The following OXCT1 variants were observed in gnomAD, a reference collection of about 807,000 sequenced individuals.
OXCT1 encodes the protein 3-oxoacid CoA-transferase 1, also known as succinyl-CoA:3-ketoacid coenzyme A transferase 1, mitochondrial.
OXCT1 carries 27 observed loss-of-function variants against 69.6 expected under a neutral mutation model. That is an observed-to-expected ratio of 0.39 (90% CI 0.29 to 0.54). The LOEUF is 0.54. OXCT1 is among the 20% of genes least tolerant of loss of function. The probability of loss-of-function intolerance (pLI) is 0.72; values close to 1 mark genes in which losing one functional copy is unlikely to be tolerated. For missense variants in OXCT1, 437 were observed against 650.2 expected, an observed-to-expected ratio of 0.67 and a Z score of 3.57; for synonymous variants, 202 against 217.8, an observed-to-expected ratio of 0.93 and a Z score of 0.64.
intron 7 of OXCT1, among the ~76,000 whole-genome samples, chr5:41,835,539 C>T (rs1166060595): frequency 1.3e-5 from 2 of 152,224 alleles, no homozygotes; most frequent in Non-Finnish European, 2.9e-5. Context: ...ATAAACCACA[C>T]AGGCTACAAT....
In OXCT1 at chr5:41,850,014, T is replaced by C; in HGVS notation, c.564+16A>G. ...AAGAGGGATCCTGGTATAATCTGGT[T>C]AAGAGTGTTTCTTACCTCTCTTGGC... On this transcript the variant is annotated intron_variant, in intron 5 of 16. Transcript: ENST00000196371. 3 of 1,612,994 alleles carry C rather than the reference T, an allele frequency of 1.9e-6. No individual in the cohort carries two copies. The highest frequency in any genetic ancestry group is 2.5e-6 in the Non-Finnish European group (3 of 1,179,018).
intron 11 of OXCT1, among the ~76,000 whole-genome samples, chr5:41,796,898 T>C (rs10075064): frequency 0.38 from 57,355 of 152,066 alleles, 13,117 homozygotes; most frequent in African/African-American, 0.64. Flanking sequence ...ATAAAAGAGA[T>C]AATGCCATTG....
intron 7 of OXCT1, among the ~76,000 whole-genome samples, chr5:41,819,662 CT>C (rs750306605): frequency 0.012 from 1,615 of 138,956 alleles, 11 homozygotes; most frequent in African/African-American, 0.023. Flanking sequence ...GAGCCACCTT[CT>C]TTTTTTTTTT....
At chr5:41,826,255 T>C (rs996667139) in intron 7 of OXCT1, among the ~76,000 whole-genome samples, 2 of 152,210 alleles carry the variant, frequency 1.3e-5, no homozygotes, top group African/African-American at 4.8e-5. Flanking sequence ...AGTTTTTTGA[T>C]CATGCACTAA....
intron 13 of OXCT1, among the ~76,000 whole-genome samples, chr5:41,777,614 T>G (rs1250533340): frequency 6.6e-6 from 1 of 152,188 alleles, no homozygotes; most frequent in East Asian, 1.9e-4. Flanking sequence ...TCCTAATCTG[T>G]TGGATGGTGT....
chr5:41,864,924 C>T (rs1229854684), intron 1 of OXCT1, among the ~76,000 whole-genome samples: 1 of 152,156 alleles, frequency 6.6e-6, no homozygotes, highest in African/African-American at 2.4e-5. Flanking sequence ...TTAAAGAGTT[C>T]ATCCACAGCT....
At chr5:41,759,048 G>T (rs914431460) in intron 14 of OXCT1, among the ~76,000 whole-genome samples, 2 of 148,890 alleles carry the variant, frequency 1.3e-5, no homozygotes, top group African/African-American at 2.5e-5. Flanking sequence ...TATTGCTGAT[G>T]TAAGTCTCAC....
At chr5:41,742,741 T>C (rs1385344283) in intron 15 of OXCT1, among the ~76,000 whole-genome samples, 1 of 152,124 alleles carries the variant, frequency 6.6e-6, no homozygotes, top group Admixed American at 6.5e-5. Flanking sequence ...TGGTTTTCTG[T>C]CCTTGTGACA....
At chr5:41,832,640 T>C (rs930527406) in intron 7 of OXCT1, among the ~76,000 whole-genome samples, 4 of 151,918 alleles carry the variant, frequency 2.6e-5, no homozygotes, top group Admixed American at 1.3e-4. Flanking sequence ...TGAGACAATC[T>C]AGGGAAGCAT....
intron 16 of OXCT1, among the ~76,000 whole-genome samples, chr5:41,732,947 A>G (rs1314083085): frequency 6.6e-6 from 1 of 152,244 alleles, no homozygotes; most frequent in Non-Finnish European, 1.5e-5. Flanking sequence ...CTAAAATATT[A>G]AACCAGAATG....
rs545355957 is a variant in OXCT1, at chr5:41,742,055, A to C, written c.1420-2564T>G. Among the ~76,000 whole-genome samples the C allele has an allele frequency of 6.6e-5, 10 of 152,330 alleles. No individual in the cohort carries two copies. In the East Asian group the frequency reaches 1.9e-3, roughly 29 times the overall value. On this transcript the variant is annotated intron_variant, in intron 15 of 16. Coordinates refer to ENST00000196371, the MANE Select transcript of OXCT1 (RefSeq NM_000436.4). ...AAAGAGCATCTGGATTAAGTTATTA[A>C]GAACAGGCATGGAAATGATTTAGAG...
chr5:41,743,978 C>T (rs1029726565), intron 15 of OXCT1, among the ~76,000 whole-genome samples: 1 of 151,974 alleles, frequency 6.6e-6, no homozygotes. Flanking sequence ...TTTTTGGTTC[C>T]ATATGAACTT....
intron 15 of OXCT1, 32 bp from the exon 16 acceptor site, chr5:41,739,523 A>G (rs1469615982): frequency 7.0e-7 from 1 of 1,431,998 alleles, no homozygotes; most frequent in Non-Finnish European, 9.9e-7. Context: ...GGACAATGAC[A>G]ATTTCCATCA....
At chr5:41,863,848 TAAGAA>T (rs1225723878) in intron 1 of OXCT1, among the ~76,000 whole-genome samples, 2 of 152,190 alleles carry the variant, frequency 1.3e-5, no homozygotes, top group African/African-American at 4.8e-5. Context: ...CACTGCTCTC[TAAGAA>T]ATTAAAGCCA....
chr5:41,830,059 A>G (rs975486886), intron 7 of OXCT1, among the ~76,000 whole-genome samples: 2 of 152,328 alleles, frequency 1.3e-5, no homozygotes, highest in Admixed American at 1.3e-4. Context: ...GAATTTACAG[A>G]TCTCTTTAAG....
intron 7 of OXCT1, among the ~76,000 whole-genome samples, chr5:41,821,199 C>T (rs138115684): frequency 3.9e-4 from 59 of 152,142 alleles, no homozygotes; most frequent in African/African-American, 1.4e-3. Flanking sequence ...TACCTGTCTC[C>T]CACATTTAAC....
At chr5:41,745,652 G>C (rs1181951713) in intron 15 of OXCT1, among the ~76,000 whole-genome samples, 1 of 152,020 alleles carries the variant, frequency 6.6e-6, no homozygotes, top group Admixed American at 6.6e-5. Context: ...TAGACCGCTA[G>C]CAAGACTAAT....
intron 2 of OXCT1, among the ~76,000 whole-genome samples, chr5:41,861,650 G>C (rs1561137051): frequency 6.6e-6 from 1 of 152,148 alleles, no homozygotes; most frequent in African/African-American, 2.4e-5. Flanking sequence ...AGTGCAACCA[G>C]TTTATATGGC....
At chr5:41,742,280 A>T (rs1743207132) in intron 15 of OXCT1, among the ~76,000 whole-genome samples, 1 of 152,238 alleles carries the variant, frequency 6.6e-6, no homozygotes, top group East Asian at 1.9e-4. Context: ...ATTTAGTGAT[A>T]TAAGGTGCAA....
Sources: allele counts gnomAD v4.1 joint callset (sites outside exome capture counted in the v4.1 genomes callset), GRCh38; gene constraint gnomAD v4.1.1; transcripts MANE v1.5; gene names NCBI Gene and HGNC (gene_info 2026-07-23, HGNC 2026-07-21).